Variants in AOAH observed in about 807,000 individuals in gnomAD.
AOAH encodes the protein acyloxyacyl hydrolase.
A neutral mutation model predicts 92.2 loss-of-function variants in AOAH; 64 were observed. The ratio of observed to expected loss-of-function variants is 0.69; its 90% CI spans 0.57 to 0.86. The LOEUF (loss-of-function observed/expected upper bound fraction) is 0.86. Ranked by LOEUF, AOAH falls within the 40% of genes least tolerant of loss-of-function variation. The probability of loss-of-function intolerance (pLI) is 0.00; values close to 1 mark genes in which losing one functional copy is unlikely to be tolerated. For synonymous variants in AOAH, 263 were observed against 254.5 expected (o/e 1.03, Z -0.32); for missense variants, 656 against 694.6 (o/e 0.94, Z 0.62).
chr7:36,545,526 C>G (rs1785749017), intron 15 of AOAH, among the ~76,000 whole-genome samples: 1 of 152,214 alleles, frequency 6.6e-6, no homozygotes, highest in Non-Finnish European at 1.5e-5. Flanking sequence ...TGCTGGTCAA[C>G]TGCCCAGGGT....
At chr7:36,664,790 A>G (rs1051309064) in intron 3 of AOAH, among the ~76,000 whole-genome samples, 1 of 152,216 alleles carries the variant, frequency 6.6e-6, no homozygotes, top group Admixed American at 6.5e-5. Context: ...CAGGCTGTAC[A>G]AGCATGGCTC....
At chr7:36,714,912 G>A (rs905642453) in intron 1 of AOAH, among the ~76,000 whole-genome samples, 18 of 152,120 alleles carry the variant, frequency 1.2e-4, no homozygotes, top group Non-Finnish European at 2.5e-4. Flanking sequence ...CTTTGAAAAC[G>A]GGCATAAGAC....
At position 36,547,182 on chromosome 7, in the gene AOAH, T is replaced by C. The variant is rs564717849; in HGVS notation, c.1133+1430A>G. Among the ~76,000 whole-genome samples the C allele has an allele frequency of 2.0e-5, 3 of 152,326 alleles. No individual in the cohort carries two copies. In the South Asian group the frequency reaches 6.2e-4, roughly 32 times the overall value. ...GGTTCATGGCAGTCCTTAAAGGGTG[T>C]TTGCCATTTACTGGAAAGTCCCCGG... On this transcript the variant is annotated intron_variant, in intron 15 of 20. Transcript: ENST00000617537.
intron 6 of AOAH, 36 bp from the exon 7 acceptor site, chr7:36,623,286 C>G (rs748019135): frequency 6.3e-7 from 1 of 1,584,850 alleles, no homozygotes; most frequent in Non-Finnish European, 8.6e-7. Flanking sequence ...GGTGAGCTAA[C>G]AAAAAAAGTA....
chr7:36,586,234 C>A (rs1789312952), intron 12 of AOAH, among the ~76,000 whole-genome samples: 1 of 152,176 alleles, frequency 6.6e-6, no homozygotes, highest in Non-Finnish European at 1.5e-5. Flanking sequence ...TGCCCCATTT[C>A]TCTGAAGCAA....
At chr7:36,602,429 C>A (rs1206020452) in intron 11 of AOAH, among the ~76,000 whole-genome samples, 1 of 151,382 alleles carries the variant, frequency 6.6e-6, no homozygotes. Flanking sequence ...CTACTGAATT[C>A]CCTTCCTTCC....
intron 1 of AOAH, among the ~76,000 whole-genome samples, chr7:36,699,417 C>T (rs1797900895): frequency 6.6e-6 from 1 of 152,032 alleles, no homozygotes; most frequent in Non-Finnish European, 1.5e-5. Context: ...ATTTACATTC[C>T]CACCAACAAG....
intron 16 of AOAH, among the ~76,000 whole-genome samples, chr7:36,540,000 C>A (rs1161850131): frequency 6.6e-6 from 1 of 152,186 alleles, no homozygotes; most frequent in Non-Finnish European, 1.5e-5. Context: ...ACTCACGGGT[C>A]TGTCTCCTGT....
intron 2 of AOAH, among the ~76,000 whole-genome samples, chr7:36,682,757 G>C (rs899638784): frequency 6.6e-6 from 1 of 151,520 alleles, no homozygotes; most frequent in African/African-American, 2.4e-5. Flanking sequence ...CAGTAGATGA[G>C]GTCTTAAGTG....
chr7:36,659,448 C>G (rs1795073944), intron 3 of AOAH, among the ~76,000 whole-genome samples, 183 bp from the exon 4 acceptor site: 2 of 152,204 alleles, frequency 1.3e-5, no homozygotes, highest in African/African-American at 4.8e-5. Flanking sequence ...CACTGTTGCT[C>G]TCTCCTGCAT....
At chr7:36,630,946 ATTG>A (rs1793031402) in intron 6 of AOAH, among the ~76,000 whole-genome samples, 1 of 152,148 alleles carries the variant, frequency 6.6e-6, no homozygotes, top group South Asian at 2.1e-4. Context: ...ACCTCATTTT[ATTG>A]TTGTGAGAAC....
At chr7:36,561,925 C>T (rs143366570) in intron 13 of AOAH, among the ~76,000 whole-genome samples, 83 of 152,214 alleles carry the variant, frequency 5.5e-4, no homozygotes, top group African/African-American at 1.9e-3. Context: ...GCGAGACCAA[C>T]GGCAATTGGC....
chr7:36,631,535 G>A (rs1793101257), intron 6 of AOAH, among the ~76,000 whole-genome samples: 1 of 152,138 alleles, frequency 6.6e-6, no homozygotes, highest in South Asian at 2.1e-4. Context: ...TGGGAATTCT[G>A]GACAGTGTCT....
At chr7:36,659,300 G>A (rs1275486294) in intron 3 of AOAH, 35 bp from the exon 4 acceptor site, 2 of 1,525,012 alleles carry the variant, frequency 1.3e-6, no homozygotes. Flanking sequence ...AGGCTATTCA[G>A]ATCTCTTAGG....
At chr7:36,636,276 C>A (rs1793513837) in intron 5 of AOAH, among the ~76,000 whole-genome samples, 2 of 152,072 alleles carry the variant, frequency 1.3e-5, no homozygotes, top group Admixed American at 1.3e-4. Context: ...TTGAATTGTT[C>A]AGTAGAATTT....
rs1425917386 is a variant in AOAH, at chr7:36,557,677, T to C, written c.1022-8202A>G. Among the ~76,000 whole-genome samples the C allele has an allele frequency of 1.8e-4, 27 of 152,196 alleles. No individual in the cohort carries two copies. The East Asian group carries it at 3.9e-3, about 22-fold the overall frequency. On this transcript the variant is annotated intron_variant, in intron 13 of 20. Coordinates refer to ENST00000617537, the MANE Select transcript of AOAH (RefSeq NM_001637.4). ...AGTCCCATATTTCTTGGAGGCTTTG[T>C]TCGTTTCTTTTTATTCTTTTTTCTC...
At chr7:36,583,754 C>A (rs1032630726) in intron 12 of AOAH, among the ~76,000 whole-genome samples, 2 of 152,180 alleles carry the variant, frequency 1.3e-5, no homozygotes, top group Non-Finnish European at 2.9e-5. Context: ...GGCTTCCTAC[C>A]TGTTAGGTTA....
chr7:36,626,818 TCTGTTGCC>T (rs1792698141), intron 6 of AOAH, among the ~76,000 whole-genome samples: 1 of 152,222 alleles, frequency 6.6e-6, no homozygotes, highest in African/African-American at 2.4e-5. Flanking sequence ...GGGGTCTTGC[TCTGTTGCC>T]CAGGCTGGTC....
chr7:36,634,968 T>C (rs370698227), intron 5 of AOAH, among the ~76,000 whole-genome samples: 28 of 152,180 alleles, frequency 1.8e-4, no homozygotes, highest in Non-Finnish European at 1.3e-4. Context: ...GCAGATGATA[T>C]AGGGGCCCCT....
Sources: allele counts gnomAD v4.1 joint callset (sites outside exome capture counted in the v4.1 genomes callset), GRCh38; gene constraint gnomAD v4.1.1; transcripts MANE v1.5; gene names NCBI Gene and HGNC (gene_info 2026-07-23, HGNC 2026-07-21).